The following POLN variants were observed in gnomAD, a reference collection of about 807,000 sequenced individuals.
POLN encodes DNA polymerase nu.
Under a neutral mutation model 113.5 loss-of-function variants are expected in POLN, and 108 were observed. The observed-to-expected ratio is 0.95, with a 90% CI of 0.81 to 1.12. The LOEUF (loss-of-function observed/expected upper bound fraction) is 1.12, where lower values mean the gene tolerates loss of function less well. Among genes scored for constraint, POLN ranks in the 50% most tolerant of loss-of-function variants. The pLI is 0.00. For synonymous variants in POLN, 386 were observed against 391.5 expected (o/e 0.99, Z 0.17); for missense variants, 1,097 against 1,077.1 (o/e 1.02, Z -0.26).
rs754327376 is a variant in POLN at position 2,071,975 on chromosome 4, G to C, written c.*139C>G. 1 of 934,092 alleles carries C rather than the reference G, an allele frequency of 1.1e-6. No homozygotes were observed. Among genetic ancestry groups the C allele is most frequent in the South Asian group, 1.3e-5 (1 of 75,480 alleles). The allele number at this position is 934,092 out of a possible 1,614,324, so 57.9% of individuals were successfully genotyped here. On this transcript the variant is annotated 3_prime_UTR_variant, in exon 26 of 26. Transcript: ENST00000511885. The surrounding 1 kb of genome is among the most constrained non-coding windows in gnomAD (Gnocchi z 5.2). ...CAAGGATGAGGAGGGCTTTGCACAG[G>C]CATTTACTCCAGGGGATGGCGGGCC...
chr4:2,137,875 G>A (rs1013572377), intron 16 of POLN, among the ~76,000 whole-genome samples: 1 of 152,146 alleles, frequency 6.6e-6, no homozygotes, highest in African/African-American at 2.4e-5. Context: ...GTCTTACTCT[G>A]TAACCCAGGC....
At chr4:2,229,475 G>C in intron 2 of POLN, 1 of 327,480 alleles carries the variant, frequency 3.1e-6, no homozygotes, top group Non-Finnish European at 5.5e-6. Context: ...TTTTCTAGGT[G>C]ACCAATTTAG....
At chr4:2,147,201 G>A (rs1201375995) in intron 16 of POLN, among the ~76,000 whole-genome samples, 1 of 152,206 alleles carries the variant, frequency 6.6e-6, no homozygotes, top group African/African-American at 2.4e-5. Flanking sequence ...CCAGTATCAT[G>A]AGTGGCACTG....
chr4:2,130,494 T>C (rs536158653), intron 17 of POLN, among the ~76,000 whole-genome samples: 1 of 152,346 alleles, frequency 6.6e-6, no homozygotes, highest in South Asian at 2.1e-4. Flanking sequence ...TTTTTAGAAA[T>C]GTACCCATCA....
intron 16 of POLN, among the ~76,000 whole-genome samples, chr4:2,140,578 C>G (rs1291632108): frequency 1.3e-5 from 2 of 152,136 alleles, no homozygotes; most frequent in Non-Finnish European, 2.9e-5. Flanking sequence ...AGAGCCCCAT[C>G]TCTACTAAAA....
At chr4:2,095,605 C>A (rs1730769443) in intron 20 of POLN, among the ~76,000 whole-genome samples, 1 of 152,232 alleles carries the variant, frequency 6.6e-6, no homozygotes, top group Non-Finnish European at 1.5e-5. Flanking sequence ...AGGGGTGGAG[C>A]CAACGGCTTG....
chr4:2,189,519 G>T (rs28805355), intron 7 of POLN, among the ~76,000 whole-genome samples: 36,849 of 150,514 alleles, frequency 0.24, 6,956 homozygotes, highest in African/African-American at 0.51. Context: ...GGCGCCTGTA[G>T]TCCCAGCTAC....
At chr4:2,087,950 A>T (rs1013154167) in intron 20 of POLN, among the ~76,000 whole-genome samples, 5 of 152,162 alleles carry the variant, frequency 3.3e-5, no homozygotes, top group African/African-American at 1.2e-4. Context: ...CTCCTGCCTC[A>T]GCCTTCTGAG....
At chr4:2,117,820 T>A (rs752841872) in intron 19 of POLN, among the ~76,000 whole-genome samples, 5 of 152,196 alleles carry the variant, frequency 3.3e-5, no homozygotes, top group East Asian at 1.9e-4. Flanking sequence ...TGGGACTTCC[T>A]TTTCCATTAC....
chr4:2,239,407 T>G (rs1439153381), intron 2 of POLN, among the ~76,000 whole-genome samples: 1 of 152,238 alleles, frequency 6.6e-6, no homozygotes, highest in Non-Finnish European at 1.5e-5. Context: ...GTTGGCCAGT[T>G]GATTTTAGCA....
At chr4:2,103,847 G>A (rs1479041764) in intron 19 of POLN, among the ~76,000 whole-genome samples, 1 of 152,208 alleles carries the variant, frequency 6.6e-6, no homozygotes, top group Non-Finnish European at 1.5e-5. Context: ...AACGCTGCCA[G>A]TCAATAATTC....
In POLN at chr4:2,241,536, GCAAGGC is replaced by G; in HGVS notation, c.-35_-30del. The G allele has an allele frequency of 1.0e-6, 1 of 985,846 alleles. No individual in the cohort carries two copies. Among genetic ancestry groups the G allele is most frequent in the South Asian group, 4.7e-5 (1 of 21,314 alleles). 61.1% of individuals were successfully genotyped at this position (985,846 alleles called of 1,614,324 possible). A position where few individuals can be genotyped will look rare whatever the true frequency, so the allele number is the denominator to read the frequency against. On this transcript the variant is annotated 5_prime_UTR_variant, in exon 2 of 26. Coordinates refer to ENST00000511885, the MANE Select transcript of POLN (RefSeq NM_181808.4). Reference sequence around the variant, plus strand: ...AATATTTACCTCAACGTCTCGCCGGGCAAGGCTCCACCTCCAGAGTCCACCACCGCG... The same window carrying G: ...AATATTTACCTCAACGTCTCGCCGGGTCCACCTCCAGAGTCCACCACCGCG...
intron 13 of POLN, among the ~76,000 whole-genome samples, chr4:2,169,194 C>T (rs893071533): frequency 6.6e-6 from 1 of 152,156 alleles, no homozygotes; most frequent in Non-Finnish European, 1.5e-5. Flanking sequence ...AGCCAGAGCA[C>T]GGGCCTGGGG....
At chr4:2,077,468 G>A (rs1333186066) in intron 23 of POLN, among the ~76,000 whole-genome samples, 1 of 152,192 alleles carries the variant, frequency 6.6e-6, no homozygotes, top group Non-Finnish European at 1.5e-5. Flanking sequence ...AGGTGGGCCT[G>A]TGCTTCATGT....
chr4:2,110,128 C>T (rs568272590), intron 19 of POLN, among the ~76,000 whole-genome samples: 9 of 152,310 alleles, frequency 5.9e-5, no homozygotes, highest in Admixed American at 5.9e-4. Flanking sequence ...ACAACCTGCT[C>T]CTGAATGACT....
intron 1 of POLN, 97 bp downstream of exon 1, chr4:2,241,954 G>C: frequency 1.0e-6 from 1 of 985,524 alleles, no homozygotes; most frequent in Non-Finnish European, 1.2e-6. Flanking sequence ...CCCCAGGAGC[G>C]CAGGAAAAAA....
intron 13 of POLN, among the ~76,000 whole-genome samples, chr4:2,160,672 G>T (rs1316336916): frequency 6.6e-6 from 1 of 152,112 alleles, no homozygotes; most frequent in Non-Finnish European, 1.5e-5. Context: ...GCCTCCCAAG[G>T]TGTTGGTATT....
At position 2,134,011 on chromosome 4, in the gene POLN, C is replaced by T. The variant is rs73799521; in HGVS notation, c.1732-2721G>A. Among the ~76,000 whole-genome samples the T allele has an allele frequency of 3.1e-3, 471 of 152,302 alleles. 2 individuals carry two copies. The highest frequency in any genetic ancestry group is 0.011 in the African/African-American group (446 of 41,566). Reference sequence around the variant, plus strand: ...CGGAGCTTTACTTATCCAACCTCATCCCCAAGTGCCAGCTCTGAACTTTTG... The same window carrying T: ...CGGAGCTTTACTTATCCAACCTCATTCCCAAGTGCCAGCTCTGAACTTTTG... On this transcript the variant is annotated intron_variant, in intron 16 of 25. Transcript: ENST00000511885.
chr4:2,237,979 G>GCAAC (rs1427572115), intron 2 of POLN, among the ~76,000 whole-genome samples: 1 of 152,000 alleles, frequency 6.6e-6, no homozygotes, highest in Non-Finnish European at 1.5e-5. Context: ...GTGCAATGAG[G>GCAAC]CAACCCTATC....
Sources: gnomAD v4.1 joint callset for allele counts (sites outside exome capture counted in the v4.1 genomes callset) on GRCh38, gnomAD v4.1.1 for gene constraint, Gnocchi (gnomAD v3.1) non-coding constraint, MANE v1.5 for transcripts, NCBI Gene and HGNC (gene_info 2026-07-23, HGNC 2026-07-21) for gene names.